Variants in ST3GAL3 observed in about 807,000 individuals in gnomAD.
The protein encoded by ST3GAL3 is CMP-N-acetylneuraminate-beta-1,4-galactoside alpha-2,3-sialyltransferase.
In ST3GAL3, 21 loss-of-function variants were observed where a neutral mutation model predicts 50.1. The ratio of observed to expected loss-of-function variants is 0.42; its 90% confidence interval spans 0.30 to 0.60. The LOEUF (loss-of-function observed/expected upper bound fraction) is 0.60. Among genes scored for constraint, ST3GAL3 ranks in the 20% least tolerant of loss-of-function variants. ST3GAL3 has a pLI of 0.19. For missense variants in ST3GAL3, 353 were observed against 489.4 expected (o/e 0.72, Z 2.63); for synonymous variants, 183 against 190.0 (o/e 0.96, Z 0.30).
intron 2 of ST3GAL3, among the ~76,000 whole-genome samples, chr1:43,779,387 G>A (rs1017369638): frequency 3.9e-5 from 6 of 152,110 alleles, no homozygotes; most frequent in African/African-American, 9.7e-5. Context: ...GTGTTTGTTC[G>A]TATTGAAGTT....
At chr1:43,859,965 C>T (rs1236273293) in intron 5 of ST3GAL3, among the ~76,000 whole-genome samples, 2 of 152,194 alleles carry the variant, frequency 1.3e-5, no homozygotes, top group African/African-American at 2.4e-5. Flanking sequence ...ACCCTTAGGC[C>T]GCTTCTGACC....
intron 1 of ST3GAL3, among the ~76,000 whole-genome samples, chr1:43,727,580 T>C (rs575140085): frequency 6.6e-6 from 1 of 152,322 alleles, no homozygotes; most frequent in East Asian, 1.9e-4. Context: ...AGTGGATGGC[T>C]GAGTGGGACC....
At chr1:43,717,385 T>C (rs1042092670) in intron 1 of ST3GAL3, among the ~76,000 whole-genome samples, 1 of 152,058 alleles carries the variant, frequency 6.6e-6, no homozygotes, top group Non-Finnish European at 1.5e-5. Context: ...TCTGAAAAAA[T>C]ACATGAGCAG....
chr1:43,833,441 G>T (rs551931708), intron 4 of ST3GAL3, among the ~76,000 whole-genome samples: 1 of 152,060 alleles, frequency 6.6e-6, no homozygotes, highest in Non-Finnish European at 1.5e-5. Flanking sequence ...TTAATCCCAG[G>T]CCAGTTAGTT....
At chr1:43,740,641 C>CA (rs1216930259) in intron 2 of ST3GAL3, among the ~76,000 whole-genome samples, 1 of 151,686 alleles carries the variant, frequency 6.6e-6, no homozygotes, top group Non-Finnish European at 1.5e-5. Context: ...CTTGTCTCTA[C>CA]AAAAAAATTA....
intron 2 of ST3GAL3, among the ~76,000 whole-genome samples, chr1:43,745,146 G>A (rs956357852): frequency 3.3e-5 from 5 of 152,204 alleles, no homozygotes; most frequent in African/African-American, 4.8e-5. Flanking sequence ...ATGGTAAATG[G>A]TAGGCAAATA....
intron 11 of ST3GAL3, among the ~76,000 whole-genome samples, chr1:43,924,377 T>C (rs2083550530): frequency 6.6e-6 from 1 of 152,260 alleles, no homozygotes; most frequent in Admixed American, 6.5e-5. Flanking sequence ...CGTTTACTTA[T>C]ATCTTTGGTC....
At position 43,752,152 on chromosome 1, in the gene ST3GAL3, T is replaced by A. The variant is rs115791121; in HGVS notation, c.118+15772T>A. On this transcript the variant is annotated intron_variant, in intron 2 of 11. Transcript: ENST00000347631. Reference sequence around the variant, plus strand: ...GAACATTCAACTATGTGCTTGGAGCTCACAGTGTTCTAAAGCGCTTTGCAT... The same window carrying A: ...GAACATTCAACTATGTGCTTGGAGCACACAGTGTTCTAAAGCGCTTTGCAT... 9.4e-3 allele frequency among the ~76,000 whole-genome samples: 1,439 copies of A among 152,290 alleles called. 27 individuals carry two copies. Among genetic ancestry groups the A allele is most frequent in the African/African-American group, 0.034 (1,402 of 41,554 alleles).
intron 2 of ST3GAL3, among the ~76,000 whole-genome samples, chr1:43,778,996 G>A (rs2158954): frequency 0.27 from 40,729 of 149,644 alleles, 5,700 homozygotes; most frequent in Middle Eastern, 0.33. Context: ...AGGCTGGAGT[G>A]CAATGGCGTG....
At chr1:43,781,183 G>A (rs1415563801) in intron 2 of ST3GAL3, among the ~76,000 whole-genome samples, 4 of 152,140 alleles carry the variant, frequency 2.6e-5, no homozygotes, top group Non-Finnish European at 5.9e-5. Flanking sequence ...GCTTTACAAT[G>A]AACATGCAGT....
chr1:43,777,048 A>G (rs1015903515), intron 2 of ST3GAL3, among the ~76,000 whole-genome samples: 2 of 152,168 alleles, frequency 1.3e-5, no homozygotes, highest in Non-Finnish European at 2.9e-5. Context: ...CATCATGTCT[A>G]AGGGTCTCTG....
At chr1:43,856,743 G>T (rs1213433718) in intron 5 of ST3GAL3, among the ~76,000 whole-genome samples, 1 of 152,100 alleles carries the variant, frequency 6.6e-6, no homozygotes, top group East Asian at 1.9e-4. Flanking sequence ...TTAGCGTCAG[G>T]TGTTGGGACC....
intron 5 of ST3GAL3, chr1:43,850,815 A>G: frequency 1.9e-6 from 2 of 1,049,592 alleles, no homozygotes; most frequent in Non-Finnish European, 3.0e-6. Context: ...GGCCACAGCA[A>G]CCCCAGCAAT....
chr1:43,876,098 G>A (rs1030535527), intron 5 of ST3GAL3, among the ~76,000 whole-genome samples: 5 of 151,826 alleles, frequency 3.3e-5, no homozygotes, highest in African/African-American at 7.3e-5. Context: ...TTCCCAAGTC[G>A]TTGGGATTAC....
chr1:43,879,290 G>A (rs751085274), intron 5 of ST3GAL3: 11 of 456,132 alleles, frequency 2.4e-5, no homozygotes, highest in Non-Finnish European at 3.5e-5. Context: ...TGAGACGTGA[G>A]CATTGGGCCC....
chr1:43,847,847 A>G lies in ST3GAL3; in HGVS notation c.302+9536A>G, dbSNP rs917065540. On this transcript the variant is annotated intron_variant, in intron 5 of 11. Coordinates refer to ENST00000347631, the MANE Select transcript of ST3GAL3 (RefSeq NM_006279.5). Reference sequence around the variant, plus strand: ...TTTTAATGAGAGGGAAAATTCTTTTATATTTACTCACAAAGTTTTCTTTAC... The same window carrying G: ...TTTTAATGAGAGGGAAAATTCTTTTGTATTTACTCACAAAGTTTTCTTTAC... Among the ~76,000 whole-genome samples the G allele has an allele frequency of 3.9e-5, 6 of 152,326 alleles. No individual in the cohort carries two copies. In the South Asian group the frequency reaches 1.0e-3, roughly 26 times the overall value.
At chr1:43,812,522 C>G (rs554313168) in intron 3 of ST3GAL3, among the ~76,000 whole-genome samples, 37 of 152,338 alleles carry the variant, frequency 2.4e-4, no homozygotes, top group African/African-American at 8.9e-4. Flanking sequence ...GGTGCAGTGG[C>G]GTGATCACAG....
intron 5 of ST3GAL3, among the ~76,000 whole-genome samples, chr1:43,843,678 GA>G (rs1319064958): frequency 6.6e-6 from 1 of 152,124 alleles, no homozygotes; most frequent in East Asian, 1.9e-4. Context: ...ATGTTTGATA[GA>G]ATTCACCAGC....
intron 2 of ST3GAL3, chr1:43,743,337 A>C (rs1161033597): frequency 5.2e-6 from 1 of 191,078 alleles, no homozygotes; most frequent in African/African-American, 2.4e-5. Context: ...TCTAAAAATA[A>C]GGAGAGGCTG....
Sources: allele counts gnomAD v4.1 joint callset (sites outside exome capture counted in the v4.1 genomes callset), GRCh38; gene constraint gnomAD v4.1.1; transcripts MANE v1.5; gene names NCBI Gene and HGNC (gene_info 2026-07-23, HGNC 2026-07-21).